The following STC1 variants were observed in gnomAD, a reference collection of about 807,000 sequenced individuals.
STC1 encodes the protein stanniocalcin-1.
A neutral mutation model predicts 22.6 loss-of-function variants in STC1; 7 were observed. The observed-to-expected ratio is 0.31, with a 90% CI of 0.18 to 0.58. The LOEUF (loss-of-function observed/expected upper bound fraction) is 0.58, where lower values mean the gene tolerates loss of function less well. Ranked by LOEUF, STC1 falls within the 20% of genes least tolerant of loss-of-function variation. The probability of loss-of-function intolerance (pLI) is 0.89; values close to 1 mark genes in which losing one functional copy is unlikely to be tolerated. For missense variants in STC1, 224 were observed against 311.0 expected (o/e 0.72, Z 2.10); for synonymous variants, 113 against 120.7 (o/e 0.94, Z 0.42).
At chr8:23,851,299 A>G (rs1479069967) in intron 3 of STC1, 21 bp downstream of exon 3, 2 of 1,613,858 alleles carry the variant, frequency 1.2e-6, no homozygotes, top group East Asian at 4.5e-5. Flanking sequence ...CTGATTGTGA[A>G]AAAGTAGACT....
chr8:23,842,501 A>AG lies in STC1; in HGVS notation c.*2268_*2269insC, dbSNP rs1376566799. ...GTCACAGCCAAAAAAAAAAAAAAAA[A>AG]AAAAGAAAAGAAAAAAGGAAATCTA... On this transcript the variant is annotated 3_prime_UTR_variant, in exon 4 of 4. Transcript: ENST00000290271. 4.0e-4 allele frequency: 61 copies of AG among 151,798 alleles called. No homozygotes were observed. The highest frequency in any genetic ancestry group is 3.1e-3 in the East Asian group (16 of 5,158). 9.4% of individuals were successfully genotyped at this position (151,798 alleles called of 1,614,324 possible).
In STC1 at chr8:23,843,102, C is replaced by A. The variant is rs1166513343; in HGVS notation, c.*1668G>T. On this transcript the variant is annotated 3_prime_UTR_variant, in exon 4 of 4. Coordinates refer to ENST00000290271, the MANE Select transcript of STC1 (RefSeq NM_003155.3). ...TTGGAGTGGCCCCTGCAGTCCTACC[C>A]CTCCTCCCTCTCTTCCTCTCTTGAC... The A allele has an allele frequency of 6.6e-6, 1 of 152,582 alleles. No individual in the cohort carries two copies. Among genetic ancestry groups the A allele is most frequent in the African/African-American group, 2.4e-5 (1 of 41,380 alleles). 9.5% of individuals were successfully genotyped at this position (152,582 alleles called of 1,614,324 possible). A position where few individuals can be genotyped will look rare whatever the true frequency, so the allele number is the denominator to read the frequency against.
Position 23,845,091 on chromosome 8 carries a change from G to A in STC1, c.474-51C>T, listed in dbSNP as rs771122807. The stretch of plus-strand genomic sequence containing the variant: ...GGTGGTCACCCAGTGAGAGCCCGGC[G>A]AGACCCAGGCTTTCACCCGGGCTCT... On this transcript the variant is annotated intron_variant, in intron 3 of 3. Coordinates refer to ENST00000290271, the MANE Select transcript of STC1 (RefSeq NM_003155.3). 2.9e-5 allele frequency: 46 copies of A among 1,586,744 alleles called. No individual in the cohort carries two copies. The East Asian group carries it at 7.8e-4, about 27-fold the overall frequency.
chr8:23,844,454 T>C lies in STC1; in HGVS notation c.*316A>G. ...CTTCAAATTACAATGGCTGGAGAGT[T>C]ACATGAATGTTTTGTGTTTGGGGGT... On this transcript the variant is annotated 3_prime_UTR_variant, in exon 4 of 4. Coordinates refer to ENST00000290271, the MANE Select transcript of STC1 (RefSeq NM_003155.3). The C allele has an allele frequency of 2.7e-6, 1 of 369,688 alleles. No homozygotes were observed. Among genetic ancestry groups the C allele is most frequent in the East Asian group, 5.2e-5 (1 of 19,182 alleles). 22.9% of individuals were successfully genotyped at this position (369,688 alleles called of 1,614,324 possible).
chr8:23,849,371 G>A (rs1802609819), intron 3 of STC1, among the ~76,000 whole-genome samples: 1 of 152,144 alleles, frequency 6.6e-6, no homozygotes, highest in Non-Finnish European at 1.5e-5. Context: ...TTTGGAGAAA[G>A]GTTGCATGGA....
chr8:23,854,159 A>C, intron 1 of STC1: 1 of 1,266,690 alleles, frequency 7.9e-7, no homozygotes, highest in East Asian at 3.0e-5. Context: ...ATTTCAGGCA[A>C]TCAGGCTAGG....
chr8:23,843,817 T>A lies in STC1; in HGVS notation c.*953A>T, dbSNP rs554655834. The A allele has an allele frequency of 6.5e-6, 1 of 152,748 alleles. No individual in the cohort carries two copies. Among genetic ancestry groups the A allele is most frequent in the African/African-American group, 2.4e-5 (1 of 41,570 alleles). The allele number at this position is 152,748 out of a possible 1,614,324, so 9.5% of individuals were successfully genotyped here. On this transcript the variant is annotated 3_prime_UTR_variant, in exon 4 of 4. Coordinates refer to ENST00000290271, the MANE Select transcript of STC1 (RefSeq NM_003155.3). The stretch of plus-strand genomic sequence containing the variant: ...TACAGGCCCATCTTAAGTTTTGATG[T>A]TGAATTAAAACTACTTCTACCCCCT...
Position 23,850,912 on chromosome 8 carries a change from C to CTTTTT in STC1, c.473+403_473+407dup, listed in dbSNP as rs56311630. ...TGCATTATGACATTTAACCAGAGGG[C>CTTTTT]TTTTTTTTTTTTTTTTTTTTTTAAT... On this transcript the variant is annotated intron_variant, in intron 3 of 3. Transcript: ENST00000290271. Among the ~76,000 whole-genome samples, 89 of 89,424 alleles carry CTTTTT rather than the reference C, an allele frequency of 1.0e-3. 1 individual carries two copies. Among genetic ancestry groups the CTTTTT allele is most frequent in the African/African-American group, 3.0e-3 (68 of 22,600 alleles). 58.7% of individuals were successfully genotyped at this position (89,424 alleles called of 152,430 possible). A position where few individuals can be genotyped will look rare whatever the true frequency, so the allele number is the denominator to read the frequency against.
At chr8:23,850,763 AG>A (rs1802628673) in intron 3 of STC1, among the ~76,000 whole-genome samples, 1 of 152,180 alleles carries the variant, frequency 6.6e-6, no homozygotes, top group Non-Finnish European at 1.5e-5. Context: ...GGTCCAGTCC[AG>A]CCATTTTGCT....
Position 23,844,856 on chromosome 8 carries a change from G to T in STC1, c.658C>A (p.Gln220Lys). 1 of 1,614,086 alleles carries T rather than the reference G, an allele frequency of 6.2e-7. No individual in the cohort carries two copies. The highest frequency in any genetic ancestry group is 8.5e-7 in the Non-Finnish European group (1 of 1,180,012). ...TTCCTGAGGAGGACTTTCAGCTTCT[G>T]CGGCTCATTGGTGCGTCTCCTGTTG... The part of the protein sequence containing the change: ...DFNRRRTNEP[Q>K]KLKVLLRNLR... Residue 220 changes from glutamine (Q) to lysine (K), a missense_variant, in exon 4 of 4, where the codon CAG becomes AAG. By Grantham distance (53) the Gln-to-Lys change is moderately conservative (BLOSUM62 1). Transcript: ENST00000290271.
At position 23,844,724 on chromosome 8, in the gene STC1, C is replaced by A. The variant is rs1284287104; in HGVS notation, c.*46G>T. 2 of 1,599,912 alleles carry A rather than the reference C, an allele frequency of 1.3e-6. No individual in the cohort carries two copies. The highest frequency in any genetic ancestry group is 1.7e-6 in the Non-Finnish European group (2 of 1,169,516). On this transcript the variant is annotated 3_prime_UTR_variant, in exon 4 of 4. Coordinates refer to ENST00000290271, the MANE Select transcript of STC1 (RefSeq NM_003155.3). ...ACTCAAAACTGGTGTGTCAACACCC[C>A]TAAAATGATACTAGTTTGGTGAGGT...
rs1297643712 is a variant in STC1 at position 23,842,683 on chromosome 8, G to C, written c.*2087C>G. On this transcript the variant is annotated 3_prime_UTR_variant, in exon 4 of 4. Transcript: ENST00000290271. ...TCAGCCTTGCCTGGGGGTGGGAAGT[G>C]TGGGAGGGAGGGGAAGAGTCTAACT... 1 of 152,430 alleles carries C rather than the reference G, an allele frequency of 6.6e-6. No individual in the cohort carries two copies. Among genetic ancestry groups the C allele is most frequent in the Admixed American group, 6.6e-5 (1 of 15,248 alleles). 9.4% of individuals were successfully genotyped at this position (152,430 alleles called of 1,614,324 possible). A position where few individuals can be genotyped will look rare whatever the true frequency, so the allele number is the denominator to read the frequency against.
intron 3 of STC1, among the ~76,000 whole-genome samples, chr8:23,847,530 G>A (rs1802587119): frequency 6.6e-6 from 1 of 152,190 alleles, no homozygotes; most frequent in Admixed American, 6.5e-5. Flanking sequence ...CAAAGTCCAT[G>A]TCTCCATTAG....
In STC1 at chr8:23,854,398, C is replaced by T. The variant is rs1193801500; in HGVS notation, c.118+8G>A. ...GGGGGAGAAACCGCTCTTGGGTTTG[C>T]TGCTTACCTGAGTTTTGAGCCGCCA... is the stretch of plus-strand genomic sequence containing the variant. On this transcript the variant is annotated splice_region_variant and intron_variant, in intron 1 of 3. Coordinates refer to ENST00000290271, the MANE Select transcript of STC1 (RefSeq NM_003155.3). The T allele has an allele frequency of 1.2e-6, 2 of 1,613,008 alleles. No individual in the cohort carries two copies. The highest frequency in any genetic ancestry group is 3.3e-5 in the Admixed American group (2 of 60,022).
rs374245382 is a variant in STC1, at chr8:23,851,466, G to A, written c.327C>T (p.Leu109=). ...GGAAAGTGGAGCACCTCCGAATGGC[G>A]AGGAAGACCTTGGAGGTGACCCCGT... ...IANGVTSKVF[L]AIRRCSTFQR... is the part of the protein sequence containing the mutation. The change falls in exon 3 of 4, where the codon CTC becomes CTT. Residue 109 remains leucine, a synonymous_variant. Transcript: ENST00000290271. 1.5e-5 allele frequency: 25 copies of A among 1,614,144 alleles called. No homozygotes were observed. The highest frequency in any genetic ancestry group is 1.5e-4 in the African/African-American group (11 of 75,036).
rs759219292 is a variant in STC1 at position 23,851,472 on chromosome 8, G to C, written c.321C>G (p.Val107=). ...TGGAGCACCTCCGAATGGCGAGGAA[G>C]ACCTTGGAGGTGACCCCGTTGGCGA... ...KCIANGVTSK[V]FLAIRRCSTF... Residue 107 remains valine, a synonymous_variant, in exon 3 of 4, where the codon GTC becomes GTG. Coordinates refer to ENST00000290271, the MANE Select transcript of STC1 (RefSeq NM_003155.3). 2 of 1,614,168 alleles carry C rather than the reference G, an allele frequency of 1.2e-6. No homozygotes were observed. Among genetic ancestry groups the C allele is most frequent in the East Asian group, 4.5e-5 (2 of 44,868 alleles).
chr8:23,844,635 C>A lies in STC1; in HGVS notation c.*135G>T, dbSNP rs1021129236. 1.2e-5 allele frequency: 12 copies of A among 1,021,860 alleles called. No individual in the cohort carries two copies. Among genetic ancestry groups the A allele is most frequent in the Non-Finnish European group, 1.7e-5 (12 of 717,890 alleles). The allele number at this position is 1,021,860 out of a possible 1,614,324, so 63.3% of individuals were successfully genotyped here. ...TTGATTACAGAAGCCTAGTTTCATG[C>A]AATTTTCTTTAAGGGGGATAGAAAA... On this transcript the variant is annotated 3_prime_UTR_variant, in exon 4 of 4. Coordinates refer to ENST00000290271, the MANE Select transcript of STC1 (RefSeq NM_003155.3).
chr8:23,851,428 G>T lies in STC1; in HGVS notation c.365C>A (p.Ala122Asp). Residue 122 changes from alanine (A) to aspartate (D), a missense_variant, in exon 3 of 4, where the codon GCT becomes GAT. By Grantham distance (126) the Ala-to-Asp change is moderately radical. Coordinates refer to ENST00000290271, the MANE Select transcript of STC1 (RefSeq NM_003155.3). The part of the protein sequence containing the change: ...RRCSTFQRMI[A>D]EVQEECYSKL... ...GCTGTAGCACTCTTCCTGCACCTCA[G>T]CAATCATCCTTTGGAAAGTGGAGCA... The T allele has an allele frequency of 1.2e-6, 2 of 1,614,146 alleles. No homozygotes were observed. The highest frequency in any genetic ancestry group is 1.7e-6 in the Non-Finnish European group (2 of 1,180,034).
At chr8:23,854,328 A>T in intron 1 of STC1, 78 bp downstream of exon 1, 1 of 1,297,940 alleles carries the variant, frequency 7.7e-7, no homozygotes, top group Non-Finnish European at 1.1e-6. Context: ...ATCAGCCGTC[A>T]CAGACACAGT....
Sources: allele counts gnomAD v4.1 joint callset (sites outside exome capture counted in the v4.1 genomes callset), GRCh38; gene constraint gnomAD v4.1.1; transcripts MANE v1.5; gene names NCBI Gene and HGNC (gene_info 2026-07-23, HGNC 2026-07-21).